JHY: variants seen among roughly 807,000 people sequenced by gnomAD.
The protein encoded by JHY is jhy protein homolog.
In JHY, 69 loss-of-function variants were observed where a neutral mutation model predicts 78.0. The ratio of observed to expected loss-of-function variants is 0.88; its 90% confidence interval spans 0.73 to 1.08. The LOEUF (loss-of-function observed/expected upper bound fraction) is 1.08. Ranked by LOEUF, JHY falls within the 50% of genes least tolerant of loss-of-function variation. JHY has a pLI of 0.00. For synonymous variants in JHY, 368 were observed against 342.6 expected, an observed-to-expected ratio of 1.07 and a Z score of -0.82; for missense variants, 944 against 927.8, an observed-to-expected ratio of 1.02 and a Z score of -0.23.
chr11:122,924,649 AAAGT>A (rs1863454513), intron 3 of JHY, among the ~76,000 whole-genome samples: 1 of 152,202 alleles, frequency 6.6e-6, no homozygotes, highest in Non-Finnish European at 1.5e-5. Flanking sequence ...TTGAGCATGT[AAAGT>A]AAGTAATAGT....
At chr11:122,948,767 G>A (rs1470497237) in intron 6 of JHY, among the ~76,000 whole-genome samples, 6 of 152,094 alleles carry the variant, frequency 3.9e-5, no homozygotes, top group African/African-American at 1.4e-4. Flanking sequence ...GCGTCTTAGA[G>A]GGTGATGAAG....
chr11:122,884,341 T>C (rs971233965), intron 1 of JHY, among the ~76,000 whole-genome samples: 1 of 152,102 alleles, frequency 6.6e-6, no homozygotes, highest in Non-Finnish European at 1.5e-5. Flanking sequence ...GGTTGTGTCA[T>C]TTAATTAAAG....
rs923458098 is a variant in JHY, at chr11:122,962,918, A to G, written c.*3473A>G. On this transcript the variant is annotated 3_prime_UTR_variant, in exon 9 of 9. Coordinates refer to ENST00000227349, the MANE Select transcript of JHY (RefSeq NM_024806.4). Reference sequence around the variant, plus strand: ...CAGGAATAGTACTTTTTATTTGTCTATGGAAAGAGGTTGTCCTTGTTTCTC... The same window carrying G: ...CAGGAATAGTACTTTTTATTTGTCTGTGGAAAGAGGTTGTCCTTGTTTCTC... 7.9e-5 allele frequency among the ~76,000 whole-genome samples: 12 copies of G among 152,138 alleles called. No individual in the cohort carries two copies. Among genetic ancestry groups the G allele is most frequent in the African/African-American group, 2.9e-4 (12 of 41,448 alleles).
In JHY at chr11:122,883,937, A is replaced by G. The variant is rs1167933769; in HGVS notation, c.-90+965A>G. Among the ~76,000 whole-genome samples the G allele has an allele frequency of 6.6e-6, 1 of 152,232 alleles. No homozygotes were observed. The highest frequency in any genetic ancestry group is 1.5e-5 in the Non-Finnish European group (1 of 68,052). On this transcript the variant is annotated intron_variant, in intron 1 of 8. Transcript: ENST00000227349. This position sits in a 1 kb window ranked among gnomAD's most constrained non-coding sequence, Gnocchi z 4.4. ...ATAACGCTTAAGCTTGCTCTTCAGGATCTCAAATTCAGTGACCTTAGCTCC... is the reference window on the plus strand; with the variant it reads ...ATAACGCTTAAGCTTGCTCTTCAGGGTCTCAAATTCAGTGACCTTAGCTCC...
chr11:122,935,024 A>G lies in JHY; in HGVS notation c.1583A>G (p.Gln528Arg). 3.7e-6 allele frequency: 6 copies of G among 1,609,118 alleles called. No homozygotes were observed. Among genetic ancestry groups the G allele is most frequent in the Non-Finnish European group, 5.1e-6 (6 of 1,178,768 alleles). The change falls in exon 5 of 9, where the codon CAA becomes CGA. Residue 528 changes from glutamine to arginine, a missense_variant. Gln to Arg is a conservative substitution (Grantham distance 43). Coordinates refer to ENST00000227349, the MANE Select transcript of JHY (RefSeq NM_024806.4). This position sits in a 1 kb window ranked among gnomAD's most constrained non-coding sequence, Gnocchi z 4.5. ...CATGGATCAACCAAAAATAAGAAAC[A>G]ACTCAAACAGCCTTATACAGAGACA... Reference protein sequence around the residue: ...NTHGSTKNKKQLKQPYTETKY... With the variant: ...NTHGSTKNKKRLKQPYTETKY...
chr11:122,944,805 A>G (rs574225635), intron 5 of JHY, among the ~76,000 whole-genome samples: 76 of 152,286 alleles, frequency 5.0e-4, no homozygotes, highest in African/African-American at 1.7e-3. Context: ...CTCTTTGAAA[A>G]CATTACTTTT....
At chr11:122,939,510 CT>C (rs918163886) in intron 5 of JHY, among the ~76,000 whole-genome samples, 1 of 152,252 alleles carries the variant, frequency 6.6e-6, no homozygotes, top group Middle Eastern at 3.4e-3. Flanking sequence ...AATATTTGCT[CT>C]TTTCCCCCCA....
chr11:122,922,234 A>C (rs1863381585), intron 3 of JHY, among the ~76,000 whole-genome samples: 1 of 152,234 alleles, frequency 6.6e-6, no homozygotes, highest in African/African-American at 2.4e-5. Flanking sequence ...CTTTCAGATC[A>C]ACCTTTAAGT....
intron 4 of JHY, among the ~76,000 whole-genome samples, chr11:122,933,383 A>G (rs1863675891): frequency 1.3e-5 from 2 of 152,244 alleles, no homozygotes; most frequent in Non-Finnish European, 2.9e-5. Context: ...TAAGCATTTA[A>G]TCATTCTTTG....
chr11:122,918,021 C>T (rs919698487), intron 3 of JHY, among the ~76,000 whole-genome samples: 7 of 151,560 alleles, frequency 4.6e-5, no homozygotes, highest in Non-Finnish European at 8.8e-5. Context: ...ATGCCTCAGT[C>T]TCCCAAGTAG....
chr11:122,934,959 G>A lies in JHY; in HGVS notation c.1518G>A (p.Leu506=). 6.2e-7 allele frequency: 1 copy of A among 1,614,084 alleles called. No individual in the cohort carries two copies. Among genetic ancestry groups the A allele is most frequent in the Non-Finnish European group, 8.5e-7 (1 of 1,180,032 alleles). Residue 506 remains leucine, a synonymous_variant, in exon 5 of 9, where the codon CTG becomes CTA. Coordinates refer to ENST00000227349, the MANE Select transcript of JHY (RefSeq NM_024806.4). ...AACTTTCTAAGAGACACGTGCTCCT[G>A]AGCCAGAAAGGCTCTCAGTTTGTTT... ...LNELSKRHVL[L]SQKGSQFVYH...
intron 2 of JHY, among the ~76,000 whole-genome samples, chr11:122,903,568 T>A (rs1862907553): frequency 6.6e-6 from 1 of 152,146 alleles, no homozygotes; most frequent in African/African-American, 2.4e-5. Flanking sequence ...AGCCTCTAAC[T>A]CCTTAGCTCA....
At chr11:122,944,023 T>C (rs933559082) in intron 5 of JHY, among the ~76,000 whole-genome samples, 1 of 152,092 alleles carries the variant, frequency 6.6e-6, no homozygotes, top group African/African-American at 2.4e-5. Flanking sequence ...CTGGATAACA[T>C]GGCAAAACCC....
rs181035068 is a variant in JHY, at chr11:122,922,703, A to C, written c.865-2194A>C. Among the ~76,000 whole-genome samples, 211 of 150,726 alleles carry C rather than the reference A, an allele frequency of 1.4e-3. 1 individual carries two copies. The highest frequency in any genetic ancestry group is 4.8e-3 in the African/African-American group (196 of 41,196). On this transcript the variant is annotated intron_variant, in intron 3 of 8. Transcript: ENST00000227349. Reference sequence around the variant, plus strand: ...CAGGTGCCTGTAGTCCCAGCTACTCAGGAGGCTGAGGCAGGAGAATGGCGT... The same window carrying C: ...CAGGTGCCTGTAGTCCCAGCTACTCCGGAGGCTGAGGCAGGAGAATGGCGT...
chr11:122,927,817 G>A (rs12361841), intron 4 of JHY, among the ~76,000 whole-genome samples: 9 of 149,626 alleles, frequency 6.0e-5, no homozygotes, highest in Non-Finnish European at 8.9e-5. Context: ...TGTAACCTCC[G>A]CCTCCTGGGT....
At chr11:122,946,205 T>G (rs1565335076) in intron 5 of JHY, among the ~76,000 whole-genome samples, 1 of 152,242 alleles carries the variant, frequency 6.6e-6, no homozygotes. Context: ...ATGCAACATT[T>G]CTAGGTATTT....
intron 3 of JHY, among the ~76,000 whole-genome samples, chr11:122,916,427 GT>G (rs753647888): frequency 1.3e-5 from 2 of 152,026 alleles, no homozygotes; most frequent in East Asian, 3.8e-4. Context: ...TAATTCACCA[GT>G]TTTTTTACCA....
chr11:122,901,985 C>T (rs918654117), intron 2 of JHY, among the ~76,000 whole-genome samples: 3 of 151,986 alleles, frequency 2.0e-5, no homozygotes. Flanking sequence ...CACTGTCTTC[C>T]ACGTCCATAC....
At chr11:122,893,253 G>A (rs369244904) in intron 2 of JHY, among the ~76,000 whole-genome samples, 2 of 152,136 alleles carry the variant, frequency 1.3e-5, no homozygotes, top group Admixed American at 6.5e-5. Context: ...TCTGTTTTCT[G>A]TTCATTCATT....
Sources: gnomAD v4.1 joint callset for allele counts (sites outside exome capture counted in the v4.1 genomes callset) on GRCh38, gnomAD v4.1.1 for gene constraint, Gnocchi (gnomAD v3.1) non-coding constraint, MANE v1.5 for transcripts, NCBI Gene and HGNC (gene_info 2026-07-23, HGNC 2026-07-21) for gene names.